Variants in AGPAT4 observed in about 807,000 individuals in gnomAD.
AGPAT4 encodes 1-acylglycerol-3-phosphate O-acyltransferase 4.
Under a neutral mutation model 48.0 loss-of-function variants are expected in AGPAT4, and 15 were observed. The ratio of observed to expected loss-of-function variants is 0.31; its 90% CI spans 0.21 to 0.48. The LOEUF (loss-of-function observed/expected upper bound fraction) is 0.48, where lower values mean the gene tolerates loss of function less well. Among genes scored for constraint, AGPAT4 ranks in the 20% least tolerant of loss-of-function variants. AGPAT4 has a pLI of 0.99. For synonymous variants in AGPAT4, 178 were observed against 198.7 expected (o/e 0.90, Z 0.88); for missense variants, 314 against 482.5 (o/e 0.65, Z 3.27).
chr6:161,221,171 C>A lies in AGPAT4; in HGVS notation c.178+10865G>T, dbSNP rs1388976124. Among the ~76,000 whole-genome samples the A allele has an allele frequency of 3.3e-5, 5 of 152,166 alleles. No individual in the cohort carries two copies. Among genetic ancestry groups the A allele is most frequent in the African/African-American group, 1.2e-4 (5 of 41,444 alleles). On this transcript the variant is annotated intron_variant, in intron 2 of 8. Coordinates refer to ENST00000320285, the MANE Select transcript of AGPAT4 (RefSeq NM_020133.3). This position sits in a 1 kb window ranked among gnomAD's most constrained non-coding sequence, Gnocchi z 4.5. The stretch of plus-strand genomic sequence containing the variant: ...GGTGAAGGAAACGTGTGAGGCTTTC[C>A]CTCCGGTCAGCAGAAAATCCACCCC...
chr6:161,212,887 A>G lies in AGPAT4; in HGVS notation c.178+19149T>C, dbSNP rs1384173636. 2.0e-5 allele frequency among the ~76,000 whole-genome samples: 3 copies of G among 152,226 alleles called. No homozygotes were observed. The highest frequency in any genetic ancestry group is 7.2e-5 in the African/African-American group (3 of 41,460). On this transcript the variant is annotated intron_variant, in intron 2 of 8. Transcript: ENST00000320285. This position sits in a 1 kb window ranked among gnomAD's most constrained non-coding sequence, Gnocchi z 6.1. ...ATTTGCATAAGTGCAGTAAGAATCAATTTTCACTGTAACAGGCCACAATCA... is the reference window on the plus strand; with the variant it reads ...ATTTGCATAAGTGCAGTAAGAATCAGTTTTCACTGTAACAGGCCACAATCA...
In AGPAT4 at chr6:161,148,580, T is replaced by A. The variant is rs559806693; in HGVS notation, c.767+607A>T. 6.6e-6 allele frequency among the ~76,000 whole-genome samples: 1 copy of A among 152,248 alleles called. No individual in the cohort carries two copies. Among genetic ancestry groups the A allele is most frequent in the East Asian group, 1.9e-4 (1 of 5,170 alleles). On this transcript the variant is annotated intron_variant, in intron 6 of 8. Transcript: ENST00000320285. The surrounding 1 kb of genome is among the most constrained non-coding windows in gnomAD (Gnocchi z 5.5). Reference sequence around the variant, plus strand: ...TCCACAGCACAACAAACCAATACGGTCCCTGACCCGTCACACTGGGTTTTA... The same window carrying A: ...TCCACAGCACAACAAACCAATACGGACCCTGACCCGTCACACTGGGTTTTA...
At chr6:161,174,553 T>A (rs569066666) in intron 2 of AGPAT4, among the ~76,000 whole-genome samples, 1 of 151,864 alleles carries the variant, frequency 6.6e-6, no homozygotes, top group Non-Finnish European at 1.5e-5. Context: ...TGGGCTGAGA[T>A]GATGGGGTTT....
intron 2 of AGPAT4, among the ~76,000 whole-genome samples, chr6:161,174,527 C>T (rs2114987101): frequency 6.6e-6 from 1 of 152,284 alleles, no homozygotes; most frequent in East Asian, 1.9e-4. Flanking sequence ...CGTTGTTTAT[C>T]AGCTTAAGGA....
rs1034308835 is a variant in AGPAT4 at position 161,259,086 on chromosome 6, C to T, written c.-90+14852G>A. 5.3e-5 allele frequency among the ~76,000 whole-genome samples: 8 copies of T among 152,148 alleles called. No individual in the cohort carries two copies. In the East Asian group the frequency reaches 5.8e-4, roughly 11 times the overall value. On this transcript the variant is annotated intron_variant, in intron 1 of 8. Transcript: ENST00000320285. This position sits in a 1 kb window ranked among gnomAD's most constrained non-coding sequence, Gnocchi z 4.9. ...GTGCTGGGATTACAGGTGTGAGCCA[C>T]GGTACCCGGCCTTAAATTCTTTTCA...
Position 161,141,653 on chromosome 6 carries a change from T to C in AGPAT4, c.844-2033A>G, listed in dbSNP as rs1053904015. 6.6e-5 allele frequency among the ~76,000 whole-genome samples: 10 copies of C among 152,216 alleles called. No individual in the cohort carries two copies. In the East Asian group the frequency reaches 1.7e-3, roughly 26 times the overall value. Reference sequence around the variant, plus strand: ...CATAGAACTCACCCATTTTAAAAAATGGGCAAATGTGGCTTTTGAATTTAT... The same window carrying C: ...CATAGAACTCACCCATTTTAAAAAACGGGCAAATGTGGCTTTTGAATTTAT... On this transcript the variant is annotated intron_variant, in intron 7 of 8. Transcript: ENST00000320285. The surrounding 1 kb of genome is among the most constrained non-coding windows in gnomAD (Gnocchi z 6.7).
Position 161,154,012 on chromosome 6 carries a change from C to G in AGPAT4, c.510+137G>C. 8.5e-7 allele frequency: 1 copy of G among 1,177,342 alleles called. No individual in the cohort carries two copies. Among genetic ancestry groups the G allele is most frequent in the Admixed American group, 2.0e-5 (1 of 50,804 alleles). 72.9% of individuals were successfully genotyped at this position (1,177,342 alleles called of 1,614,324 possible). A position where few individuals can be genotyped will look rare whatever the true frequency, so the allele number is the denominator to read the frequency against. On this transcript the variant is annotated intron_variant, in intron 4 of 8. Transcript: ENST00000320285. This position sits in a 1 kb window ranked among gnomAD's most constrained non-coding sequence, Gnocchi z 7.8. ...GGTCACATACATCCCTGAGGTTATACACAGCCCTATGGTCACACACAGCCC... is the reference window on the plus strand; with the variant it reads ...GGTCACATACATCCCTGAGGTTATAGACAGCCCTATGGTCACACACAGCCC...
intron 2 of AGPAT4, among the ~76,000 whole-genome samples, chr6:161,224,654 A>AAG (rs1554237059): frequency 6.6e-6 from 1 of 151,368 alleles, no homozygotes; most frequent in Non-Finnish European, 1.5e-5. Context: ...AAAAAAAAAA[A>AAG]AAAAAAGAAA....
At position 161,154,397 on chromosome 6, in the gene AGPAT4, G is replaced by A. The variant is rs377356821; in HGVS notation, c.349-87C>T. On this transcript the variant is annotated intron_variant, in intron 3 of 8. Coordinates refer to ENST00000320285, the MANE Select transcript of AGPAT4 (RefSeq NM_020133.3). This position sits in a 1 kb window ranked among gnomAD's most constrained non-coding sequence, Gnocchi z 7.8. ...TGTTGGAGACTGAAGTAGAAAAAGA[G>A]GAGGGGACGTTCACACCAGACGCCT... is the stretch of plus-strand genomic sequence containing the variant. The A allele has an allele frequency of 2.0e-6, 3 of 1,520,496 alleles. No individual in the cohort carries two copies. The highest frequency in any genetic ancestry group is 2.3e-5 in the East Asian group (1 of 43,484). The allele number at this position is 1,520,496 out of a possible 1,614,324, so 94.2% of individuals were successfully genotyped here.
intron 5 of AGPAT4, among the ~76,000 whole-genome samples, chr6:161,151,437 G>A (rs1009090732): frequency 3.3e-5 from 5 of 152,248 alleles, no homozygotes; most frequent in African/African-American, 4.8e-5. Context: ...CTGAGGCAAA[G>A]CTCAGTTAGG....
rs1158476975 is a variant in AGPAT4 at position 161,131,022 on chromosome 6, A to C, written c.*5518T>G. On this transcript the variant is annotated 3_prime_UTR_variant, in exon 9 of 9. Transcript: ENST00000320285. ...GTAATTTATTTTGGAAATGCAAAGG[A>C]ATTATTATGCAGCAATCTTAACTTT... is the stretch of plus-strand genomic sequence containing the variant. 2 of 421,568 alleles carry C rather than the reference A, an allele frequency of 4.7e-6. No individual in the cohort carries two copies. Among genetic ancestry groups the C allele is most frequent in the Admixed American group, 2.4e-5 (1 of 42,048 alleles). The allele number at this position is 421,568 out of a possible 1,614,324, so 26.1% of individuals were successfully genotyped here.
intron 4 of AGPAT4, among the ~76,000 whole-genome samples, 176 bp from the exon 5 acceptor site, chr6:161,153,675 C>T (rs536277557): frequency 8.7e-5 from 13 of 150,214 alleles, no homozygotes; most frequent in African/African-American, 3.2e-4. Context: ...TCACATACAG[C>T]CCTGGGGTCA....
intron 2 of AGPAT4, among the ~76,000 whole-genome samples, chr6:161,193,292 C>T (rs530946409): frequency 9.2e-5 from 14 of 152,294 alleles, no homozygotes; most frequent in South Asian, 2.1e-4. Context: ...GAAACCCATA[C>T]GGTGAGCTTT....
At chr6:161,227,312 T>C (rs1782008609) in intron 2 of AGPAT4, among the ~76,000 whole-genome samples, 1 of 152,172 alleles carries the variant, frequency 6.6e-6, no homozygotes, top group Non-Finnish European at 1.5e-5. Context: ...GACACCTTGG[T>C]CAATAAGCAC....
rs1231914303 is a variant in AGPAT4 at position 161,137,185 on chromosome 6, C to T, written c.1043-551G>A. Among the ~76,000 whole-genome samples, 1 of 152,080 alleles carries T rather than the reference C, an allele frequency of 6.6e-6. No individual in the cohort carries two copies. Among genetic ancestry groups the T allele is most frequent in the African/African-American group, 2.4e-5 (1 of 41,392 alleles). On this transcript the variant is annotated intron_variant, in intron 8 of 8. Coordinates refer to ENST00000320285, the MANE Select transcript of AGPAT4 (RefSeq NM_020133.3). The surrounding 1 kb of genome is among the most constrained non-coding windows in gnomAD (Gnocchi z 6.1). ...GAATGGGCAGGACCCTCGTGGGAGCCCAGTTTAATATAGGAAGCTGGAAAG... is the reference window on the plus strand; with the variant it reads ...GAATGGGCAGGACCCTCGTGGGAGCTCAGTTTAATATAGGAAGCTGGAAAG...
Position 161,244,313 on chromosome 6 carries a change from C to T in AGPAT4, c.-89-12011G>A, listed in dbSNP as rs970541006. On this transcript the variant is annotated intron_variant, in intron 1 of 8. Transcript: ENST00000320285. This position sits in a 1 kb window ranked among gnomAD's most constrained non-coding sequence, Gnocchi z 4.7. ...GGGGCTGACACCAACGCAGACAGCA[C>T]GTTCCTACATCACCAGCAAATCATG... Among the ~76,000 whole-genome samples, 1 of 152,282 alleles carries T rather than the reference C, an allele frequency of 6.6e-6. No homozygotes were observed. Among genetic ancestry groups the T allele is most frequent in the Non-Finnish European group, 1.5e-5 (1 of 68,028 alleles).
rs554610151 is a variant in AGPAT4 at position 161,219,872 on chromosome 6, T to TAGGCAGGCAGGC, written c.178+12152_178+12163dup. ...ATAGATAGATAGATAGATAGATAGA[T>TAGGCAGGCAGGC]AGGCAGGCAGGCAGGCAGGCAGGCA... is the stretch of plus-strand genomic sequence containing the variant. On this transcript the variant is annotated intron_variant, in intron 2 of 8. Coordinates refer to ENST00000320285, the MANE Select transcript of AGPAT4 (RefSeq NM_020133.3). This position sits in a 1 kb window ranked among gnomAD's most constrained non-coding sequence, Gnocchi z 4.9. Among the ~76,000 whole-genome samples the TAGGCAGGCAGGC allele has an allele frequency of 8.3e-6, 1 of 121,166 alleles. No homozygotes were observed. Among genetic ancestry groups the TAGGCAGGCAGGC allele is most frequent in the Non-Finnish European group, 1.9e-5 (1 of 53,806 alleles). 79.5% of individuals were successfully genotyped at this position (121,166 alleles called of 152,430 possible).
In AGPAT4 at chr6:161,220,423, G is replaced by C. The variant is rs527276213; in HGVS notation, c.178+11613C>G. On this transcript the variant is annotated intron_variant, in intron 2 of 8. Transcript: ENST00000320285. The surrounding 1 kb of genome is among the most constrained non-coding windows in gnomAD (Gnocchi z 6.0). ...AACATTACATCTGAAATGAGCTGGA[G>C]AGGCAGATAGACAGCTTCCTCGATA... 9.9e-5 allele frequency among the ~76,000 whole-genome samples: 15 copies of C among 152,284 alleles called. No homozygotes were observed. In the East Asian group the frequency reaches 2.5e-3, roughly 25 times the overall value.
In AGPAT4 at chr6:161,134,137, G is replaced by C. The variant is rs1026566437; in HGVS notation, c.*2403C>G. The C allele has an allele frequency of 6.6e-6, 1 of 152,192 alleles. No individual in the cohort carries two copies. The highest frequency in any genetic ancestry group is 6.5e-5 in the Admixed American group (1 of 15,272). The allele number at this position is 152,192 out of a possible 1,614,324, so 9.4% of individuals were successfully genotyped here. On this transcript the variant is annotated 3_prime_UTR_variant, in exon 9 of 9. Coordinates refer to ENST00000320285, the MANE Select transcript of AGPAT4 (RefSeq NM_020133.3). ...AAATGACTGATGAGAAAGAGGTCCA[G>C]ATCTCTCCCCAGCACGCCACATTCT...
Sources: allele counts gnomAD v4.1 joint callset (sites outside exome capture counted in the v4.1 genomes callset), GRCh38; gene constraint gnomAD v4.1.1; non-coding constraint Gnocchi (gnomAD v3.1); transcripts MANE v1.5; gene names NCBI Gene and HGNC (gene_info 2026-07-23, HGNC 2026-07-21).